Variants in PSPC1 observed in about 807,000 individuals in gnomAD.
The protein encoded by PSPC1 is paraspeckle component 1, also known as paraspeckle protein 1.
A neutral mutation model predicts 51.6 loss-of-function variants in PSPC1; 14 were observed. The ratio of observed to expected loss-of-function variants is 0.27; its 90% CI spans 0.18 to 0.42. PSPC1 has a LOEUF of 0.42. Ranked by LOEUF, PSPC1 falls within the 10% of genes least tolerant of loss-of-function variation. PSPC1 has a pLI of 1.00. For missense variants in PSPC1, 406 were observed against 701.1 expected (o/e 0.58, Z 4.75); for synonymous variants, 193 against 231.9 (o/e 0.83, Z 1.53).
intron 8 of PSPC1, among the ~76,000 whole-genome samples, chr13:19,705,385 C>T (rs1369156870): frequency 8.6e-5 from 13 of 152,012 alleles, no homozygotes; most frequent in Non-Finnish European, 1.8e-4. Flanking sequence ...CCCAACTACT[C>T]GGGAGGCTGA....
intron 5 of PSPC1, among the ~76,000 whole-genome samples, chr13:19,739,411 C>G (rs1885183003): frequency 6.6e-6 from 1 of 152,116 alleles, no homozygotes; most frequent in East Asian, 1.9e-4. Flanking sequence ...TCAGGTAAGC[C>G]TTTATGTTAG....
downstream of PSPC1, among the ~76,000 whole-genome samples, chr13:19,700,821 A>G (rs1879815097): frequency 6.6e-6 from 1 of 152,134 alleles, no homozygotes; most frequent in African/African-American, 2.4e-5. Flanking sequence ...TTAGAAAGCT[A>G]ACACTACTGA....
chr13:19,692,678 G>C (rs565878930), intron 6 of PSPC1, among the ~76,000 whole-genome samples: 1 of 152,006 alleles, frequency 6.6e-6, no homozygotes, highest in South Asian at 2.1e-4. Context: ...CCTCACCATC[G>C]ACCCTGAACA....
rs1253596605 is a variant in PSPC1 at position 19,679,735 on chromosome 13, A to G, written c.1159-1912T>C. Among the ~76,000 whole-genome samples the G allele has an allele frequency of 1.3e-5, 2 of 152,174 alleles. 1 individual carries two copies. The highest frequency in any genetic ancestry group is 4.1e-4 in the South Asian group (2 of 4,826). ...TCAGGATCTGCAGATTTTGATATTC[A>G]TGGGGGCAGAAGCAACCTCCCAGGA... is the stretch of plus-strand genomic sequence containing the variant. On this transcript the variant is annotated intron_variant and NMD_transcript_variant, in intron 6 of 7. Transcript: ENST00000471658.
At chr13:19,746,602 G>C (rs1886013311) in intron 4 of PSPC1, among the ~76,000 whole-genome samples, 1 of 151,890 alleles carries the variant, frequency 6.6e-6, no homozygotes, top group Admixed American at 6.6e-5. Context: ...GCTCATGCCT[G>C]AGGGAGGAGA....
At chr13:19,776,056 AAAAAT>A (rs1889089131) in intron 1 of PSPC1, among the ~76,000 whole-genome samples, 3 of 152,276 alleles carry the variant, frequency 2.0e-5, no homozygotes, top group African/African-American at 4.8e-5. Flanking sequence ...ATCTCAAAAA[AAAAAT>A]AAAATAAAAT....
chr13:19,758,844 A>C (rs1303071269), intron 3 of PSPC1, among the ~76,000 whole-genome samples: 1 of 151,682 alleles, frequency 6.6e-6, no homozygotes, highest in Admixed American at 6.6e-5. Context: ...TCAAAAACAA[A>C]AAAAAAAAAA....
chr13:19,696,808 G>A (rs1456418721), intron 6 of PSPC1, among the ~76,000 whole-genome samples: 3 of 152,052 alleles, frequency 2.0e-5, no homozygotes, highest in Non-Finnish European at 4.4e-5. Flanking sequence ...ATCTCATACT[G>A]GTATGCTGAG....
At chr13:19,679,129 G>C (rs1335845384) in intron 6 of PSPC1, 3 of 152,130 alleles carry the variant, frequency 2.0e-5, no homozygotes, top group Admixed American at 2.0e-4. Context: ...CCAGCAATTG[G>C]CATTCTATCT....
At chr13:19,711,198 A>G (rs1881362346) in intron 6 of PSPC1, among the ~76,000 whole-genome samples, 1 of 152,184 alleles carries the variant, frequency 6.6e-6, no homozygotes, top group Admixed American at 6.5e-5. Flanking sequence ...TGTGACCATT[A>G]ATGGATACTA....
chr13:19,680,927 A>G (rs1877199356), intron 6 of PSPC1, among the ~76,000 whole-genome samples: 1 of 152,196 alleles, frequency 6.6e-6, no homozygotes, highest in African/African-American at 2.4e-5. Context: ...ATAAAACATT[A>G]AAATACAAGG....
intron 5 of PSPC1, among the ~76,000 whole-genome samples, chr13:19,736,721 A>C (rs1167758599): frequency 6.6e-6 from 1 of 152,112 alleles, no homozygotes; most frequent in East Asian, 1.9e-4. Flanking sequence ...TTACATCTGC[A>C]ACAAGTATTC....
chr13:19,773,612 C>G (rs557230360), intron 1 of PSPC1, among the ~76,000 whole-genome samples: 1 of 152,046 alleles, frequency 6.6e-6, no homozygotes, highest in Non-Finnish European at 1.5e-5. Context: ...ATTTTCATTT[C>G]TCTTCAATTT....
chr13:19,751,052 A>G (rs375630208), intron 4 of PSPC1, among the ~76,000 whole-genome samples: 1 of 151,582 alleles, frequency 6.6e-6, no homozygotes, highest in South Asian at 2.1e-4. Flanking sequence ...TACAGGCGTG[A>G]GCCACCGCGC....
chr13:19,722,591 C>T (rs1408281009), intron 6 of PSPC1, among the ~76,000 whole-genome samples: 3 of 151,994 alleles, frequency 2.0e-5, no homozygotes, highest in Non-Finnish European at 4.4e-5. Context: ...GACAGGGGTT[C>T]GAGACCAGCC....
chr13:19,773,117 G>A (rs570010867), intron 1 of PSPC1, among the ~76,000 whole-genome samples: 4 of 152,008 alleles, frequency 2.6e-5, no homozygotes, highest in Non-Finnish European at 5.9e-5. Context: ...CTGAGATGGC[G>A]CTACTGCACT....
At chr13:19,696,609 C>A (rs1333774619) in intron 6 of PSPC1, among the ~76,000 whole-genome samples, 1 of 151,982 alleles carries the variant, frequency 6.6e-6, no homozygotes, top group Non-Finnish European at 1.5e-5. Flanking sequence ...AATCTTTTAT[C>A]TTCAAGCTAG....
At chr13:19,683,023 G>A (rs558606348) in intron 6 of PSPC1, among the ~76,000 whole-genome samples, 15 of 152,054 alleles carry the variant, frequency 9.9e-5, no homozygotes, top group South Asian at 4.2e-4. Flanking sequence ...AGCTATGATC[G>A]CACTACTATA....
At chr13:19,721,954 G>T (rs1264423379) in intron 6 of PSPC1, among the ~76,000 whole-genome samples, 2 of 152,102 alleles carry the variant, frequency 1.3e-5, no homozygotes, top group African/African-American at 4.8e-5. Flanking sequence ...AATATCTGAG[G>T]CATTAATATT....
Sources: gnomAD v4.1 joint callset for allele counts (sites outside exome capture counted in the v4.1 genomes callset) on GRCh38, gnomAD v4.1.1 for gene constraint, MANE v1.5 for transcripts, NCBI Gene and HGNC (gene_info 2026-07-23, HGNC 2026-07-21) for gene names.